Variants in ERBB4 observed in about 807,000 individuals in gnomAD.
ERBB4 encodes erb-b2 receptor tyrosine kinase 4.
In ERBB4, 42 loss-of-function variants were observed where a neutral mutation model predicts 158.0. The ratio of observed to expected loss-of-function variants is 0.27; its 90% CI spans 0.21 to 0.34. The LOEUF (loss-of-function observed/expected upper bound fraction) is 0.34. Among genes scored for constraint, ERBB4 ranks in the 10% least tolerant of loss-of-function variants. The pLI, the probability that ERBB4 is intolerant of heterozygous loss-of-function variation, is 1.00. For synonymous variants in ERBB4, 583 were observed against 558.7 expected (o/e 1.04, Z -0.61); for missense variants, 1,333 against 1,624.1 (o/e 0.82, Z 3.08).
At chr2:212,023,209 T>C (rs1003389127) in intron 2 of ERBB4, among the ~76,000 whole-genome samples, 1 of 152,138 alleles carries the variant, frequency 6.6e-6, no homozygotes, top group African/African-American at 2.4e-5. Context: ...TGATGAGTTA[T>C]ATTTATATCT....
intron 2 of ERBB4, among the ~76,000 whole-genome samples, chr2:211,966,714 T>C (rs1298382658): frequency 2.6e-5 from 4 of 152,162 alleles, no homozygotes; most frequent in Non-Finnish European, 4.4e-5. Context: ...TTTTTGAAAA[T>C]GCTACTTGGA....
chr2:212,306,215 C>T (rs572962261), intron 1 of ERBB4, among the ~76,000 whole-genome samples: 1 of 151,526 alleles, frequency 6.6e-6, no homozygotes, highest in African/African-American at 2.4e-5. Context: ...TGTCTGACCA[C>T]TCCCCAAAAA....
chr2:212,444,249 C>T (rs1475203520), intron 1 of ERBB4, among the ~76,000 whole-genome samples: 2 of 152,194 alleles, frequency 1.3e-5, no homozygotes, highest in Admixed American at 6.5e-5. Flanking sequence ...AGCTGTAGCA[C>T]TACAGCTCCT....
At position 211,467,355 on chromosome 2, in the gene ERBB4, G is replaced by A. The variant is rs139884623; in HGVS notation, c.2488-36255C>T. On this transcript the variant is annotated intron_variant, in intron 20 of 27. Transcript: ENST00000342788. Reference sequence around the variant, plus strand: ...GGTATCTGGTCTATCTCTCTGGGTTGTTGCAACCTTTAGTCAGATGATGTT... The same window carrying A: ...GGTATCTGGTCTATCTCTCTGGGTTATTGCAACCTTTAGTCAGATGATGTT... Among the ~76,000 whole-genome samples, 13 of 152,244 alleles carry A rather than the reference G, an allele frequency of 8.5e-5. No individual in the cohort carries two copies. The East Asian group carries it at 2.5e-3, about 29-fold the overall frequency.
chr2:212,177,247 A>T (rs1575752462), intron 1 of ERBB4, among the ~76,000 whole-genome samples: 1 of 151,652 alleles, frequency 6.6e-6, no homozygotes, highest in African/African-American at 2.4e-5. Context: ...TATATATATA[A>T]AATCCCTATG....
At chr2:211,492,428 T>C (rs1241967533) in intron 20 of ERBB4, among the ~76,000 whole-genome samples, 1 of 152,148 alleles carries the variant, frequency 6.6e-6, no homozygotes, top group African/African-American at 2.4e-5. Context: ...AAACAGTTTA[T>C]TGTGAGGATT....
chr2:211,684,838 C>T (rs1423430394), intron 12 of ERBB4, among the ~76,000 whole-genome samples: 1 of 152,140 alleles, frequency 6.6e-6, no homozygotes, highest in African/African-American at 2.4e-5. Flanking sequence ...CTCTGACCAA[C>T]CAGTGGTCAT....
chr2:211,643,894 C>T (rs1387918359), intron 16 of ERBB4, among the ~76,000 whole-genome samples: 1 of 151,966 alleles, frequency 6.6e-6, no homozygotes, highest in East Asian at 1.9e-4. Context: ...CATCCATTTC[C>T]AAGCAGTAAT....
At chr2:212,140,726 A>G (rs2080434304) in intron 1 of ERBB4, among the ~76,000 whole-genome samples, 1 of 151,398 alleles carries the variant, frequency 6.6e-6, no homozygotes, top group African/African-American at 2.4e-5. Context: ...ATCTAAAATA[A>G]AAGTAAAAAA....
intron 1 of ERBB4, among the ~76,000 whole-genome samples, chr2:212,201,239 T>C (rs1339966354): frequency 6.6e-6 from 1 of 152,190 alleles, no homozygotes; most frequent in Non-Finnish European, 1.5e-5. Context: ...CATGCAACCA[T>C]AACTATGTTA....
chr2:211,575,874 T>G (rs973100749), intron 19 of ERBB4, among the ~76,000 whole-genome samples: 1 of 152,322 alleles, frequency 6.6e-6, no homozygotes, highest in South Asian at 2.1e-4. Flanking sequence ...ATAATTTATA[T>G]GTAGAAATCA....
At chr2:212,180,815 A>T (rs1401533177) in intron 1 of ERBB4, among the ~76,000 whole-genome samples, 10 of 151,644 alleles carry the variant, frequency 6.6e-5, no homozygotes, top group African/African-American at 2.4e-4. Context: ...AGATTCTTTG[A>T]TTACACTCTT....
intron 1 of ERBB4, among the ~76,000 whole-genome samples, chr2:212,220,048 A>G (rs1340868362): frequency 2.0e-5 from 3 of 151,152 alleles, no homozygotes; most frequent in African/African-American, 7.3e-5. Flanking sequence ...TTCAACTATC[A>G]CAGTACCTTA....
Position 211,713,524 on chromosome 2 carries a change from C to A in ERBB4, c.997+11G>T. The stretch of plus-strand genomic sequence containing the variant: ...CCCAGTTCTAACTAAATAATCTGAG[C>A]TACCACTCACCTTTTGGGCAAATGT... On this transcript the variant is annotated intron_variant, in intron 8 of 27. Transcript: ENST00000342788. 1 of 1,485,288 alleles carries A rather than the reference C, an allele frequency of 6.7e-7. No individual in the cohort carries two copies. The highest frequency in any genetic ancestry group is 1.1e-5 in the South Asian group (1 of 88,506). The allele number at this position is 1,485,288 out of a possible 1,614,324, so 92.0% of individuals were successfully genotyped here. A position where few individuals can be genotyped will look rare whatever the true frequency, so the allele number is the denominator to read the frequency against.
chr2:211,956,077 A>G (rs1256754162), intron 2 of ERBB4, among the ~76,000 whole-genome samples: 1 of 151,444 alleles, frequency 6.6e-6, no homozygotes, highest in Admixed American at 6.6e-5. Context: ...TGTTTTCTAC[A>G]TATTTATACA....
intron 3 of ERBB4, among the ~76,000 whole-genome samples, chr2:211,802,034 C>T (rs1430348869): frequency 3.3e-5 from 5 of 152,002 alleles, no homozygotes; most frequent in East Asian, 1.9e-4. Context: ...CCGAGGCGGG[C>T]GGATCACGAG....
chr2:212,252,197 G>A (rs930651261), intron 1 of ERBB4, among the ~76,000 whole-genome samples: 6 of 151,956 alleles, frequency 3.9e-5, no homozygotes, highest in Admixed American at 3.3e-4. Flanking sequence ...TTTATATACA[G>A]CATTAAATAA....
intron 1 of ERBB4, among the ~76,000 whole-genome samples, chr2:212,269,102 C>A (rs928096730): frequency 2.0e-5 from 3 of 151,768 alleles, no homozygotes; most frequent in Admixed American, 2.0e-4. Context: ...CAAATGGGTA[C>A]TTGAAAGAGA....
intron 16 of ERBB4, 68 bp from the exon 17 acceptor site, chr2:211,630,662 G>T (rs2125873784): frequency 7.3e-7 from 1 of 1,377,738 alleles, no homozygotes; most frequent in Non-Finnish European, 1.0e-6. Flanking sequence ...GAAGAGAAAA[G>T]AGCAGTTGTA....
Sources: allele counts gnomAD v4.1 joint callset (sites outside exome capture counted in the v4.1 genomes callset), GRCh38; gene constraint gnomAD v4.1.1; transcripts MANE v1.5; gene names NCBI Gene and HGNC (gene_info 2026-07-23, HGNC 2026-07-21).